DOK6: variants seen among roughly 807,000 people sequenced by gnomAD.
DOK6 encodes downstream of tyrosine kinase 6.
A neutral mutation model predicts 44.0 loss-of-function variants in DOK6; 22 were observed. That is an observed-to-expected ratio of 0.50 (90% CI 0.36 to 0.71). The LOEUF is 0.71. Among genes scored for constraint, DOK6 ranks in the 30% least tolerant of loss-of-function variants. The pLI, the probability that DOK6 is intolerant of heterozygous loss-of-function variation, is 0.00. For missense variants in DOK6, 340 were observed against 416.4 expected (o/e 0.82, Z 1.60); for synonymous variants, 166 against 145.5 (o/e 1.14, Z -1.01).
intron 4 of DOK6, 43 bp from the exon 5 acceptor site, chr18:69,698,345 GGCCATAGACACTCACA>G (rs1986435446): frequency 1.8e-5 from 26 of 1,452,292 alleles, no homozygotes. Flanking sequence ...AATATCGTAT[GGCCATAGACACTCACA>G]CCTCTTTTCA....
chr18:69,606,273 AAAATAAATAAAT>A (rs139420505), intron 3 of DOK6, among the ~76,000 whole-genome samples: 8,262 of 142,572 alleles, frequency 0.058, 316 homozygotes, highest in East Asian at 0.21. Context: ...ACTCCATCTC[AAAATAAATAAAT>A]AAATAAATAA....
chr18:69,405,648 C>T (rs1916192775), intron 1 of DOK6, among the ~76,000 whole-genome samples: 1 of 151,426 alleles, frequency 6.6e-6, no homozygotes, highest in South Asian at 2.1e-4. Flanking sequence ...TGCATATGTG[C>T]ATTTGTATAT....
chr18:69,489,080 A>G (rs928195552), intron 1 of DOK6, among the ~76,000 whole-genome samples: 3 of 152,206 alleles, frequency 2.0e-5, no homozygotes, highest in Non-Finnish European at 4.4e-5. Flanking sequence ...GAGAGTTTCC[A>G]TAAAGAACCA....
chr18:69,716,692 CAAAAAA>C lies in DOK6; in HGVS notation c.599+18115_599+18120del, dbSNP rs11351701. 6.5e-3 allele frequency among the ~76,000 whole-genome samples: 676 copies of C among 104,762 alleles called. 2 individuals are homozygous for C. The highest frequency in any genetic ancestry group is 0.022 in the African/African-American group (620 of 27,744). 68.7% of individuals were successfully genotyped at this position (104,762 alleles called of 152,430 possible). On this transcript the variant is annotated intron_variant, in intron 5 of 7. Coordinates refer to ENST00000382713, the MANE Select transcript of DOK6 (RefSeq NM_152721.6). ...GATAACAGATTCTCTGCAGAATTGA[CAAAAAA>C]AAAAAAAAAAAAAAAGTCTTCTGGT...
chr18:69,532,126 C>T (rs1376998784), intron 1 of DOK6, among the ~76,000 whole-genome samples: 2 of 152,194 alleles, frequency 1.3e-5, no homozygotes, highest in Non-Finnish European at 2.9e-5. Flanking sequence ...CCTTGGACTT[C>T]CTGGCTTCCA....
intron 5 of DOK6, among the ~76,000 whole-genome samples, chr18:69,734,417 G>GAAA (rs1978531846): frequency 2.2e-5 from 1 of 45,182 alleles, no homozygotes; most frequent in Non-Finnish European, 6.0e-5. Flanking sequence ...AAAAAAAAAA[G>GAAA]GAAAATTCTA....
chr18:69,468,348 A>C (rs1979986527), intron 1 of DOK6, among the ~76,000 whole-genome samples: 1 of 152,224 alleles, frequency 6.6e-6, no homozygotes, highest in African/African-American at 2.4e-5. Context: ...TAATTTGATC[A>C]TTACATGTTA....
At chr18:69,563,545 A>C (rs1427567590) in intron 1 of DOK6, among the ~76,000 whole-genome samples, 1 of 151,488 alleles carries the variant, frequency 6.6e-6, no homozygotes, top group South Asian at 2.1e-4. Context: ...GCAAACTATC[A>C]CAAGGACAAA....
chr18:69,576,997 G>A (rs867575614), intron 2 of DOK6, among the ~76,000 whole-genome samples: 2 of 152,230 alleles, frequency 1.3e-5, no homozygotes, highest in Middle Eastern at 3.4e-3. Flanking sequence ...ACTGCATGAT[G>A]CCAGAAAAGC....
intron 7 of DOK6, among the ~76,000 whole-genome samples, chr18:69,782,798 C>T (rs1031648851): frequency 6.6e-6 from 1 of 152,064 alleles, no homozygotes; most frequent in African/African-American, 2.4e-5. Flanking sequence ...AAGAAAATTC[C>T]TATTTTAAAA....
chr18:69,824,912 A>C (rs1206881637), intron 7 of DOK6, among the ~76,000 whole-genome samples: 1 of 152,186 alleles, frequency 6.6e-6, no homozygotes, highest in African/African-American at 2.4e-5. Context: ...ACAAATGATC[A>C]TTCATTTCAA....
At chr18:69,782,050 AAT>A (rs532410049) in intron 7 of DOK6, among the ~76,000 whole-genome samples, 175 of 152,256 alleles carry the variant, frequency 1.1e-3, no homozygotes, top group African/African-American at 4.0e-3. Context: ...GCCCATGGTT[AAT>A]AAAATAATTA....
intron 7 of DOK6, among the ~76,000 whole-genome samples, chr18:69,805,314 G>C (rs912737721): frequency 1.3e-5 from 2 of 152,114 alleles, no homozygotes; most frequent in African/African-American, 4.8e-5. Flanking sequence ...CATAGGTTGT[G>C]TCCTTTTATA....
chr18:69,815,823 G>A (rs1180482223), intron 7 of DOK6, among the ~76,000 whole-genome samples: 2 of 152,018 alleles, frequency 1.3e-5, no homozygotes, highest in African/African-American at 4.8e-5. Context: ...ACATATATGT[G>A]TCATTTGAGG....
At chr18:69,665,167 C>A (rs1194721316) in intron 3 of DOK6, among the ~76,000 whole-genome samples, 1 of 151,414 alleles carries the variant, frequency 6.6e-6, no homozygotes, top group Non-Finnish European at 1.5e-5. Context: ...GGTGACAGAG[C>A]AAGACTCCGT....
intron 1 of DOK6, among the ~76,000 whole-genome samples, chr18:69,478,609 TTC>T (rs1980335201): frequency 6.6e-6 from 1 of 152,218 alleles, no homozygotes; most frequent in Non-Finnish European, 1.5e-5. Context: ...TAGTGTTGTT[TTC>T]TGATTCTGAT....
chr18:69,455,815 CA>C (rs1723489062), intron 1 of DOK6, among the ~76,000 whole-genome samples: 1 of 152,060 alleles, frequency 6.6e-6, no homozygotes, highest in African/African-American at 2.4e-5. Context: ...CATTTATATT[CA>C]AAAAGCTAAA....
chr18:69,805,608 C>T (rs1981030983), intron 7 of DOK6, among the ~76,000 whole-genome samples: 1 of 152,092 alleles, frequency 6.6e-6, no homozygotes, highest in Non-Finnish European at 1.5e-5. Flanking sequence ...AAAACCATAA[C>T]ACTGTTAAGA....
intron 1 of DOK6, among the ~76,000 whole-genome samples, chr18:69,441,439 T>G (rs1979134591): frequency 6.6e-6 from 1 of 152,176 alleles, no homozygotes; most frequent in Non-Finnish European, 1.5e-5. Context: ...GAAGATAAAT[T>G]TAATACAATA....
Sources: gnomAD v4.1 joint callset for allele counts (sites outside exome capture counted in the v4.1 genomes callset) on GRCh38, gnomAD v4.1.1 for gene constraint, MANE v1.5 for transcripts, NCBI Gene and HGNC (gene_info 2026-07-23, HGNC 2026-07-21) for gene names.